Variants in NRXN3 observed in about 807,000 individuals in gnomAD.
The protein encoded by NRXN3 is neurexin III.
Under a neutral mutation model 137.6 loss-of-function variants are expected in NRXN3, and 32 were observed. The ratio of observed to expected loss-of-function variants is 0.23; its 90% CI spans 0.18 to 0.31. The LOEUF (loss-of-function observed/expected upper bound fraction) is 0.31, where lower values mean the gene tolerates loss of function less well. Ranked by LOEUF, NRXN3 falls within the 10% of genes least tolerant of loss-of-function variation. The pLI, the probability that NRXN3 is intolerant of heterozygous loss-of-function variation, is 1.00. For synonymous variants in NRXN3, 798 were observed against 784.5 expected, an observed-to-expected ratio of 1.02 and a Z score of -0.29; for missense variants, 1,574 against 2,062.5, an observed-to-expected ratio of 0.76 and a Z score of 4.59.
At chr14:78,905,401 G>A (rs2099212596) in intron 10 of NRXN3, among the ~76,000 whole-genome samples, 1 of 152,074 alleles carries the variant, frequency 6.6e-6, no homozygotes, top group African/African-American at 2.4e-5. Flanking sequence ...TGGACAGTTA[G>A]TTTTTGCAAA....
intron 20 of NRXN3, among the ~76,000 whole-genome samples, chr14:79,844,935 T>C (rs921534164): frequency 6.6e-5 from 10 of 152,228 alleles, no homozygotes; most frequent in Non-Finnish European, 1.0e-4. Context: ...AAACCTGTTG[T>C]TTAGTGTAGC....
At chr14:79,493,467 C>G (rs2096736667) in intron 16 of NRXN3, among the ~76,000 whole-genome samples, 1 of 152,280 alleles carries the variant, frequency 6.6e-6, no homozygotes, top group Admixed American at 6.5e-5. Flanking sequence ...TTCTACTGGG[C>G]AAGCATCCAA....
chr14:78,516,183 A>G (rs909696254), intron 4 of NRXN3, among the ~76,000 whole-genome samples: 6 of 151,904 alleles, frequency 3.9e-5, no homozygotes, highest in Non-Finnish European at 7.4e-5. Flanking sequence ...GAGAAGGCCA[A>G]TATAGAGCTG....
chr14:78,578,327 C>G lies in NRXN3; in HGVS notation c.758-66793C>G, dbSNP rs2096957699. ...GGAGATCTAAATTGGTAAGATTGAT[C>G]AAATTTCTTGCTATGAGTAATTGAA... On this transcript the variant is annotated intron_variant, in intron 4 of 20. Transcript: ENST00000335750. Among the ~76,000 whole-genome samples the G allele has an allele frequency of 2.6e-5, 4 of 152,094 alleles. No individual in the cohort carries two copies. The South Asian group carries it at 8.3e-4, about 32-fold the overall frequency.
rs141632000 is a variant in NRXN3, at chr14:78,423,513, A to T, written c.757+125653A>T. Among the ~76,000 whole-genome samples the T allele has an allele frequency of 2.8e-4, 42 of 152,276 alleles. No homozygotes were observed. The East Asian group carries it at 8.1e-3, about 29-fold the overall frequency. On this transcript the variant is annotated intron_variant, in intron 4 of 20. Transcript: ENST00000335750. ...AATGACGGCGCCTCATCAATACAGAATTTGTGATAATCTGGTCCTTGGGTG... is the reference window on the plus strand; with the variant it reads ...AATGACGGCGCCTCATCAATACAGATTTTGTGATAATCTGGTCCTTGGGTG...
At chr14:79,453,558 A>G (rs1045628139) in intron 15 of NRXN3, among the ~76,000 whole-genome samples, 1 of 152,182 alleles carries the variant, frequency 6.6e-6, no homozygotes, top group Admixed American at 6.5e-5. Flanking sequence ...AAGTACTTGG[A>G]AAATAGCTGA....
intron 20 of NRXN3, among the ~76,000 whole-genome samples, chr14:79,833,282 C>T (rs2293826): frequency 0.23 from 34,261 of 151,856 alleles, 4,306 homozygotes; most frequent in East Asian, 0.55. Flanking sequence ...ATTTTAGATT[C>T]GACTCTTAAT....
In NRXN3 at chr14:79,862,433, C is replaced by CAACA. The variant is rs2099415088; in HGVS notation, c.*472_*475dup. ...AATTATGTAAAAAACAAAACTACAA[C>CAACA]AACAAAAAAAGAAAAAAGTTAAAAA... On this transcript the variant is annotated 3_prime_UTR_variant, in exon 21 of 21. Transcript: ENST00000335750. 1 of 141,332 alleles carries CAACA rather than the reference C, an allele frequency of 7.1e-6. No homozygotes were observed. Among genetic ancestry groups the CAACA allele is most frequent in the Admixed American group, 7.1e-5 (1 of 14,042 alleles). 8.8% of individuals were successfully genotyped at this position (141,332 alleles called of 1,614,324 possible).
intron 10 of NRXN3, among the ~76,000 whole-genome samples, chr14:78,854,346 T>C (rs2099050926): frequency 6.6e-6 from 1 of 152,168 alleles, no homozygotes; most frequent in African/African-American, 2.4e-5. Flanking sequence ...AGGTGATCTT[T>C]ACAAGTGACT....
At chr14:78,220,329 C>T (rs190894368) in intron 1 of NRXN3, among the ~76,000 whole-genome samples, 5 of 152,058 alleles carry the variant, frequency 3.3e-5, no homozygotes, top group Non-Finnish European at 7.4e-5. Context: ...CTGAGAGTGA[C>T]TTTCAAAGGT....
chr14:79,731,915 A>T (rs1037193794), intron 19 of NRXN3, among the ~76,000 whole-genome samples: 1 of 151,038 alleles, frequency 6.6e-6, no homozygotes, highest in East Asian at 1.9e-4. Context: ...TTTCTAAAGT[A>T]TGTGTTTCTG....
chr14:79,064,368 T>C (rs2099678033), intron 15 of NRXN3, among the ~76,000 whole-genome samples: 1 of 152,074 alleles, frequency 6.6e-6, no homozygotes, highest in African/African-American at 2.4e-5. Context: ...CATTACAGTC[T>C]TCATAGGGGT....
intron 19 of NRXN3, among the ~76,000 whole-genome samples, chr14:79,706,368 G>C (rs1283716043): frequency 6.7e-6 from 1 of 149,944 alleles, no homozygotes; most frequent in Non-Finnish European, 1.5e-5. Flanking sequence ...TCAAATATAT[G>C]CAAATAAAAA....
intron 8 of NRXN3, among the ~76,000 whole-genome samples, chr14:78,755,302 C>A (rs1448140846): frequency 6.6e-6 from 1 of 151,530 alleles, no homozygotes; most frequent in African/African-American, 2.4e-5. Context: ...GGTGGGATTA[C>A]AGGTGTGAGC....
intron 16 of NRXN3, among the ~76,000 whole-genome samples, chr14:79,484,292 G>A (rs951257502): frequency 1.3e-5 from 2 of 152,068 alleles, no homozygotes; most frequent in Non-Finnish European, 1.5e-5. Context: ...TCATCTACTG[G>A]ATTCCAATCA....
intron 2 of NRXN3, among the ~76,000 whole-genome samples, chr14:78,261,974 A>C (rs1377422848): frequency 6.6e-6 from 1 of 152,222 alleles, no homozygotes; most frequent in South Asian, 2.1e-4. Flanking sequence ...TATGGAAAAC[A>C]TAAACCAATA....
chr14:79,032,996 C>T (rs10133874), intron 15 of NRXN3, among the ~76,000 whole-genome samples: 57,554 of 151,938 alleles, frequency 0.38, 11,420 homozygotes, highest in Admixed American at 0.49. Flanking sequence ...TTAACTGTTA[C>T]TATTGTTGCC....
intron 19 of NRXN3, among the ~76,000 whole-genome samples, chr14:79,788,702 C>T (rs760360521): frequency 2.6e-5 from 4 of 152,124 alleles, no homozygotes; most frequent in Non-Finnish European, 4.4e-5. Context: ...TCCCTTGTCT[C>T]CCTCAAATAG....
intron 4 of NRXN3, among the ~76,000 whole-genome samples, chr14:78,437,975 G>T (rs1378817828): frequency 6.6e-6 from 1 of 152,160 alleles, no homozygotes; most frequent in East Asian, 1.9e-4. Flanking sequence ...CTGGTGGCTG[G>T]TGTTGAAGAT....
Sources: allele counts gnomAD v4.1 joint callset (sites outside exome capture counted in the v4.1 genomes callset), GRCh38; gene constraint gnomAD v4.1.1; transcripts MANE v1.5; gene names NCBI Gene and HGNC (gene_info 2026-07-23, HGNC 2026-07-21).